The following EXOC4 variants were observed in gnomAD, a reference collection of about 807,000 sequenced individuals.
EXOC4 encodes the protein exocyst complex component 4.
EXOC4 carries 71 observed loss-of-function variants against 107.2 expected under a neutral mutation model. The ratio of observed to expected loss-of-function variants is 0.66; its 90% CI spans 0.55 to 0.81. The LOEUF is 0.81. Among genes scored for constraint, EXOC4 ranks in the 30% least tolerant of loss-of-function variants. EXOC4 has a pLI of 0.00. For synonymous variants in EXOC4, 456 were observed against 441.2 expected, an observed-to-expected ratio of 1.03 and a Z score of -0.42; for missense variants, 1,108 against 1,189.6, an observed-to-expected ratio of 0.93 and a Z score of 1.01.
chr7:133,308,273 C>T (rs1236527957), intron 4 of EXOC4, among the ~76,000 whole-genome samples: 1 of 152,082 alleles, frequency 6.6e-6, no homozygotes, highest in Non-Finnish European at 1.5e-5. Flanking sequence ...ATATTGAAAC[C>T]CTAATCCCTG....
At chr7:133,302,439 T>C (rs1166760483) in intron 3 of EXOC4, among the ~76,000 whole-genome samples, 3 of 152,226 alleles carry the variant, frequency 2.0e-5, no homozygotes, top group Non-Finnish European at 4.4e-5. Flanking sequence ...TTAAAAATAC[T>C]TATATCTGTC....
At chr7:133,361,839 A>G (rs1218886683) in intron 6 of EXOC4, among the ~76,000 whole-genome samples, 1 of 152,238 alleles carries the variant, frequency 6.6e-6, no homozygotes, top group Non-Finnish European at 1.5e-5. Context: ...ATATAGATAC[A>G]ATAAGCCATG....
At chr7:133,848,732 A>T (rs1798184074) in intron 11 of EXOC4, among the ~76,000 whole-genome samples, 1 of 152,148 alleles carries the variant, frequency 6.6e-6, no homozygotes, top group Admixed American at 6.5e-5. Flanking sequence ...CTCATTTTCT[A>T]AATTTTAATA....
intron 13 of EXOC4, among the ~76,000 whole-genome samples, chr7:133,923,665 T>C (rs1003596685): frequency 2.6e-4 from 40 of 152,238 alleles, no homozygotes; most frequent in African/African-American, 8.7e-4. Context: ...ATCTTTGAGA[T>C]AGACAGATAG....
chr7:133,476,842 A>G (rs1799025763), intron 8 of EXOC4, among the ~76,000 whole-genome samples: 4 of 152,202 alleles, frequency 2.6e-5, no homozygotes, highest in Admixed American at 2.0e-4. Flanking sequence ...AATATCATAA[A>G]GGACTCAGCC....
chr7:133,631,749 A>C (rs1802596414), intron 10 of EXOC4, among the ~76,000 whole-genome samples: 1 of 151,954 alleles, frequency 6.6e-6, no homozygotes. Context: ...TTATAGATTA[A>C]ATAACATTGA....
chr7:133,544,330 T>C (rs1288651293), intron 9 of EXOC4, among the ~76,000 whole-genome samples: 23 of 152,156 alleles, frequency 1.5e-4, no homozygotes, highest in Admixed American at 1.5e-3. Flanking sequence ...AGTTGCCTAA[T>C]CATTTAAAGA....
At chr7:133,827,982 G>A (rs1048491249) in intron 11 of EXOC4, among the ~76,000 whole-genome samples, 4 of 152,132 alleles carry the variant, frequency 2.6e-5, no homozygotes. Context: ...GAGTAAAGGA[G>A]CCCCACTGAT....
intron 9 of EXOC4, among the ~76,000 whole-genome samples, chr7:133,603,361 T>TA (rs1801852853): frequency 1.3e-5 from 2 of 152,238 alleles, no homozygotes; most frequent in South Asian, 4.1e-4. Flanking sequence ...TGCAGATACC[T>TA]AAATACAATC....
chr7:133,392,939 A>G (rs908659234), intron 7 of EXOC4, among the ~76,000 whole-genome samples: 7 of 152,212 alleles, frequency 4.6e-5, no homozygotes, highest in African/African-American at 1.7e-4. Context: ...CAATTCGGAC[A>G]AAGTCTCTGC....
At chr7:133,281,845 GTACC>G (rs1334411382) in intron 2 of EXOC4, among the ~76,000 whole-genome samples, 1 of 151,806 alleles carries the variant, frequency 6.6e-6, no homozygotes, top group Non-Finnish European at 1.5e-5. Flanking sequence ...AGGATTATAG[GTACC>G]CACCACCACA....
intron 7 of EXOC4, among the ~76,000 whole-genome samples, chr7:133,379,864 T>C (rs1796574306): frequency 6.6e-6 from 1 of 152,162 alleles, no homozygotes; most frequent in Non-Finnish European, 1.5e-5. Flanking sequence ...TATTTCATAA[T>C]AAAGATGATT....
rs536151505 is a variant in EXOC4 at position 133,963,464 on chromosome 7, C to T, written c.2206+25395C>T. Among the ~76,000 whole-genome samples, 14 of 152,202 alleles carry T rather than the reference C, an allele frequency of 9.2e-5. No homozygotes were observed. The South Asian group carries it at 2.3e-3, about 25-fold the overall frequency. On this transcript the variant is annotated intron_variant, in intron 14 of 17. Coordinates refer to ENST00000253861, the MANE Select transcript of EXOC4 (RefSeq NM_021807.4). ...ATTTCTCTTTAGACCAAAGGCAGCC[C>T]GGAGGCAAAAGAAACGCCAACACCT...
chr7:133,384,126 T>C (rs1796675680), intron 7 of EXOC4, among the ~76,000 whole-genome samples: 1 of 152,160 alleles, frequency 6.6e-6, no homozygotes, highest in African/African-American at 2.4e-5. Context: ...ACGTAGCAAA[T>C]GCCCAAATCA....
chr7:133,443,995 G>A (rs781156369), intron 7 of EXOC4, among the ~76,000 whole-genome samples: 3 of 152,312 alleles, frequency 2.0e-5, no homozygotes, highest in Admixed American at 6.5e-5. Context: ...AGGGAATTAG[G>A]AGCATTTCCT....
intron 9 of EXOC4, among the ~76,000 whole-genome samples, chr7:133,520,263 T>C (rs773964142): frequency 6.6e-6 from 1 of 152,196 alleles, no homozygotes; most frequent in Non-Finnish European, 1.5e-5. Flanking sequence ...ATTCCTGTTC[T>C]TGCCACAATA....
intron 10 of EXOC4, among the ~76,000 whole-genome samples, chr7:133,691,518 A>C (rs1794419125): frequency 6.6e-6 from 1 of 152,236 alleles, no homozygotes; most frequent in Non-Finnish European, 1.5e-5. Flanking sequence ...ATATTTACTG[A>C]GTATATTCTG....
At chr7:133,276,750 G>T (rs558602377) in intron 2 of EXOC4, among the ~76,000 whole-genome samples, 4 of 152,176 alleles carry the variant, frequency 2.6e-5, no homozygotes, top group Admixed American at 2.0e-4. Context: ...GCCTGTATCT[G>T]CCCAGTAACA....
chr7:133,508,277 T>C (rs1227625214), intron 9 of EXOC4, among the ~76,000 whole-genome samples: 2 of 152,000 alleles, frequency 1.3e-5, no homozygotes, highest in Non-Finnish European at 2.9e-5. Flanking sequence ...TGCCTGGAGG[T>C]CTTGTGAACA....
Sources: allele counts gnomAD v4.1 joint callset (sites outside exome capture counted in the v4.1 genomes callset), GRCh38; gene constraint gnomAD v4.1.1; transcripts MANE v1.5; gene names NCBI Gene and HGNC (gene_info 2026-07-23, HGNC 2026-07-21).